MTHFD1L: variants seen among roughly 807,000 people sequenced by gnomAD.
The protein encoded by MTHFD1L is monofunctional C1-tetrahydrofolate synthase, mitochondrial.
MTHFD1L carries 81 observed loss-of-function variants against 119.5 expected under a neutral mutation model. That is an observed-to-expected ratio of 0.68 (90% CI 0.57 to 0.82). The LOEUF is 0.82. Among genes scored for constraint, MTHFD1L ranks in the 40% least tolerant of loss-of-function variants. The pLI, the probability that MTHFD1L is intolerant of heterozygous loss-of-function variation, is 0.00. For missense variants in MTHFD1L, 1,125 were observed against 1,253.4 expected, an observed-to-expected ratio of 0.90 and a Z score of 1.55; for synonymous variants, 430 against 475.2, an observed-to-expected ratio of 0.90 and a Z score of 1.24.
At chr6:150,921,033 C>T (rs1011903189) in intron 9 of MTHFD1L, among the ~76,000 whole-genome samples, 1 of 149,770 alleles carries the variant, frequency 6.7e-6, no homozygotes, top group African/African-American at 2.5e-5. Flanking sequence ...CTCACTGCAA[C>T]CTCCATCTCC....
At chr6:151,037,234 A>T in intron 26 of MTHFD1L, 117 bp downstream of exon 26, 2 of 1,078,146 alleles carry the variant, frequency 1.9e-6, no homozygotes. Context: ...GGGAGTAATT[A>T]ATAGTACAGT....
intron 1 of MTHFD1L, among the ~76,000 whole-genome samples, chr6:150,869,822 G>A (rs920195458): frequency 2.0e-5 from 3 of 152,136 alleles, no homozygotes; most frequent in Admixed American, 2.0e-4. Flanking sequence ...ATTAAAGAAT[G>A]AGCTCCCTCA....
intron 13 of MTHFD1L, among the ~76,000 whole-genome samples, chr6:150,944,143 A>G (rs1793579318): frequency 6.6e-6 from 1 of 152,196 alleles, no homozygotes; most frequent in South Asian, 2.1e-4. Flanking sequence ...TTATAAGGAT[A>G]TGTAATTTGC....
At chr6:150,928,668 A>G (rs1790470701) in intron 11 of MTHFD1L, among the ~76,000 whole-genome samples, 1 of 151,408 alleles carries the variant, frequency 6.6e-6, no homozygotes, top group African/African-American at 2.4e-5. Context: ...CAGCTTCCCA[A>G]GTAGCTGGGA....
chr6:151,075,613 C>T (rs900296449), intron 26 of MTHFD1L, among the ~76,000 whole-genome samples: 1 of 152,144 alleles, frequency 6.6e-6, no homozygotes, highest in Admixed American at 6.5e-5. Context: ...AAGACTTAAA[C>T]AATGCTACAA....
At chr6:151,022,736 G>A (rs1046361751) in intron 24 of MTHFD1L, among the ~76,000 whole-genome samples, 2 of 152,118 alleles carry the variant, frequency 1.3e-5, no homozygotes, top group African/African-American at 2.4e-5. Context: ...TTTCTTCAGC[G>A]CTCCCTCTTC....
At chr6:151,012,499 G>A (rs1782438875) in intron 21 of MTHFD1L, among the ~76,000 whole-genome samples, 1 of 151,842 alleles carries the variant, frequency 6.6e-6, no homozygotes, top group Non-Finnish European at 1.5e-5. Flanking sequence ...AATTTGTACA[G>A]TGGAAAATCT....
At chr6:150,923,537 A>ATTTATTTATTTTTTTTTT (rs1254981530) in intron 10 of MTHFD1L, among the ~76,000 whole-genome samples, 1 of 95,208 alleles carries the variant, frequency 1.1e-5, no homozygotes, top group African/African-American at 5.1e-5. Flanking sequence ...TTATTTATTT[A>ATTTATTTATTTTTTTTTT]TTTTTTCTTT....
At chr6:151,067,434 G>A (rs914778130) in intron 26 of MTHFD1L, among the ~76,000 whole-genome samples, 4 of 149,376 alleles carry the variant, frequency 2.7e-5, no homozygotes, top group Non-Finnish European at 5.9e-5. Flanking sequence ...AGCAATTATC[G>A]TGCCTCAGCC....
intron 26 of MTHFD1L, among the ~76,000 whole-genome samples, chr6:151,076,649 T>TAAA (rs36053787): frequency 1.7e-5 from 2 of 116,848 alleles, no homozygotes; most frequent in African/African-American, 3.2e-5. Flanking sequence ...ATACTCTGTC[T>TAAA]AAAAAAAAAA....
chr6:151,015,544 G>A lies in MTHFD1L; in HGVS notation c.2437G>A (p.Val813Met), dbSNP rs746818919. 1 of 1,613,962 alleles carries A rather than the reference G, an allele frequency of 6.2e-7. No individual in the cohort carries two copies. Among genetic ancestry groups the A allele is most frequent in the Non-Finnish European group, 8.5e-7 (1 of 1,179,978 alleles). The change falls in exon 24 of 28, where the codon GTG (valine) becomes ATG (methionine). Residue 813 changes from valine (V) to methionine (M), a missense_variant. This residue lies in a region of MTHFD1L where 1,058 missense variants were observed against 1,151.2 expected (regional missense o/e 0.92). Transcript: ENST00000367321. ...KTDTRAEIDL[V>M]CELAKRAGAF... Reference sequence around the variant, plus strand: ...CGACACCCGCGCTGAGATTGACTTGGTGTGTGAGCTTGCAAAGCGGGCTGG... The same window carrying A: ...CGACACCCGCGCTGAGATTGACTTGATGTGTGAGCTTGCAAAGCGGGCTGG...
rs1450140845 is a variant in MTHFD1L at position 151,046,501 on chromosome 6, A to G, written c.2847+9384A>G. ...TATATATATATATATATATATATAT[A>G]TATATATATATATAGACTCATTTTT... On this transcript the variant is annotated intron_variant, in intron 26 of 27. Coordinates refer to ENST00000367321, the MANE Select transcript of MTHFD1L (RefSeq NM_015440.5). Among the ~76,000 whole-genome samples, 52 of 133,780 alleles carry G rather than the reference A, an allele frequency of 3.9e-4. 1 individual carries two copies. The highest frequency in any genetic ancestry group is 2.1e-4 in the East Asian group (1 of 4,742). 87.8% of individuals were successfully genotyped at this position (133,780 alleles called of 152,430 possible).
At chr6:151,038,859 G>A (rs1176008092) in intron 26 of MTHFD1L, among the ~76,000 whole-genome samples, 2 of 152,114 alleles carry the variant, frequency 1.3e-5, no homozygotes, top group African/African-American at 4.8e-5. Flanking sequence ...TGATGCCATC[G>A]GTCATGGAAA....
intron 20 of MTHFD1L, among the ~76,000 whole-genome samples, chr6:151,009,505 G>A (rs893466509): frequency 6.6e-6 from 1 of 151,710 alleles, no homozygotes; most frequent in Non-Finnish European, 1.5e-5. Flanking sequence ...CTGTACTCCA[G>A]CCTGTGCGAC....
At chr6:150,872,237 A>G (rs28785011) in intron 1 of MTHFD1L, among the ~76,000 whole-genome samples, 9,827 of 152,138 alleles carry the variant, frequency 0.065, 524 homozygotes, top group East Asian at 0.22. Context: ...AATTTCTTCA[A>G]TAGCTTTTCC....
intron 1 of MTHFD1L, among the ~76,000 whole-genome samples, chr6:150,873,503 A>G (rs1779891973): frequency 6.6e-6 from 1 of 152,152 alleles, no homozygotes. Flanking sequence ...TGTTTTACAG[A>G]TGAGGAATCT....
chr6:150,870,737 C>T (rs1036503826), intron 1 of MTHFD1L, among the ~76,000 whole-genome samples: 1 of 151,654 alleles, frequency 6.6e-6, no homozygotes, highest in Non-Finnish European at 1.5e-5. Context: ...ATAGTAAAAC[C>T]CTGTCTCTAC....
intron 26 of MTHFD1L, among the ~76,000 whole-genome samples, chr6:151,041,598 A>T (rs1787115505): frequency 6.6e-6 from 1 of 152,164 alleles, no homozygotes; most frequent in Admixed American, 6.5e-5. Flanking sequence ...TCATTCATTT[A>T]CTCAGTGAAT....
chr6:150,885,189 T>C (rs1461479054), intron 5 of MTHFD1L, among the ~76,000 whole-genome samples: 1 of 139,294 alleles, frequency 7.2e-6, no homozygotes, highest in Non-Finnish European at 1.5e-5. Flanking sequence ...CTTTAATTCA[T>C]TTTTTATGGG....
Sources: allele counts gnomAD v4.1 joint callset (sites outside exome capture counted in the v4.1 genomes callset), GRCh38; gene constraint gnomAD v4.1.1; regional missense constraint gnomAD v4.1.1; transcripts MANE v1.5; gene names NCBI Gene and HGNC (gene_info 2026-07-23, HGNC 2026-07-21).